Variants in RAP1GAP observed in about 807,000 individuals in gnomAD.
RAP1GAP encodes the protein rap1 GTPase-activating protein 1.
Under a neutral mutation model 87.2 loss-of-function variants are expected in RAP1GAP, and 35 were observed. That is an observed-to-expected ratio of 0.40 (90% CI 0.31 to 0.53). The LOEUF (loss-of-function observed/expected upper bound fraction) is 0.53, where lower values mean the gene tolerates loss of function less well. RAP1GAP is among the 20% of genes least tolerant of loss of function. The pLI is 0.48. For synonymous variants in RAP1GAP, 375 were observed against 363.9 expected (o/e 1.03, Z -0.35); for missense variants, 734 against 898.9 (o/e 0.82, Z 2.35).
At position 21,603,401 on chromosome 1, in the gene RAP1GAP, G is replaced by T; in HGVS notation, c.1429-488C>A. ...AGCTTCCCACACACTGTGCTGGGAT[G>T]CCCCAGGCCCCAGAAGCCCGCCCCC... On this transcript the variant is annotated intron_variant, in intron 18 of 24. Transcript: ENST00000374765. This position sits in a 1 kb window ranked among gnomAD's most constrained non-coding sequence, Gnocchi z 6.0. 1 of 541,452 alleles carries T rather than the reference G, an allele frequency of 1.8e-6. No homozygotes were observed. The highest frequency in any genetic ancestry group is 3.3e-6 in the Non-Finnish European group (1 of 303,624). The allele number at this position is 541,452 out of a possible 1,614,324, so 33.5% of individuals were successfully genotyped here. A position where few individuals can be genotyped will look rare whatever the true frequency, so the allele number is the denominator to read the frequency against.
chr1:21,633,314 G>A (rs1193342573), intron 2 of RAP1GAP, among the ~76,000 whole-genome samples: 2 of 152,098 alleles, frequency 1.3e-5, no homozygotes, highest in Non-Finnish European at 2.9e-5. Context: ...TGCCCCAGCC[G>A]CCTGTCCTGG....
intron 1 of RAP1GAP, among the ~76,000 whole-genome samples, chr1:21,651,025 G>C (rs922620824): frequency 1.7e-4 from 26 of 152,212 alleles, no homozygotes; most frequent in African/African-American, 5.8e-4. Context: ...GGAGCCGCTT[G>C]TCTGGCTGGG....
chr1:21,625,510 C>T (rs2091597791), intron 3 of RAP1GAP, among the ~76,000 whole-genome samples: 1 of 152,166 alleles, frequency 6.6e-6, no homozygotes, highest in Non-Finnish European at 1.5e-5. Flanking sequence ...GTGGCCCCAC[C>T]ACATCCAACC....
At chr1:21,605,938 C>A in intron 18 of RAP1GAP, 128 bp downstream of exon 18, 1 of 1,231,648 alleles carries the variant, frequency 8.1e-7, no homozygotes. Context: ...TAGACCAAAT[C>A]CAGAGCCTAG....
rs2094346001 is a variant in RAP1GAP at position 21,634,324 on chromosome 1, G to A, written c.-112-7927C>T. 6.6e-6 allele frequency among the ~76,000 whole-genome samples: 1 copy of A among 152,222 alleles called. No homozygotes were observed. Among genetic ancestry groups the A allele is most frequent in the Admixed American group, 6.5e-5 (1 of 15,294 alleles). On this transcript the variant is annotated intron_variant, in intron 2 of 24. Coordinates refer to ENST00000374765, the MANE Select transcript of RAP1GAP (RefSeq NM_002885.4). This position sits in a 1 kb window ranked among gnomAD's most constrained non-coding sequence, Gnocchi z 4.1. Reference sequence around the variant, plus strand: ...TTGACCTCTCCTAGGACTCTAGAGGGAGCGTGGCGATGGGGTAGAGGAGCG... The same window carrying A: ...TTGACCTCTCCTAGGACTCTAGAGGAAGCGTGGCGATGGGGTAGAGGAGCG...
In RAP1GAP at chr1:21,631,996, C is replaced by T. The variant is rs114608456; in HGVS notation, c.-112-5599G>A. ...CAGCTCCGGCTCTGCTCTGTCTGGC[C>T]TGGACACCTGCACGCTGCCTCCTCT... On this transcript the variant is annotated intron_variant, in intron 2 of 24. Coordinates refer to ENST00000374765, the MANE Select transcript of RAP1GAP (RefSeq NM_002885.4). Among the ~76,000 whole-genome samples the T allele has an allele frequency of 7.2e-3, 1,098 of 152,334 alleles. 16 individuals carry two copies. Among genetic ancestry groups the T allele is most frequent in the African/African-American group, 0.025 (1,030 of 41,574 alleles).
intron 1 of RAP1GAP, among the ~76,000 whole-genome samples, chr1:21,654,494 C>G (rs2096780402): frequency 6.6e-6 from 1 of 152,192 alleles, no homozygotes; most frequent in Non-Finnish European, 1.5e-5. Flanking sequence ...TGATAAAGCA[C>G]TGAGAAGAGT....
intron 3 of RAP1GAP, among the ~76,000 whole-genome samples, chr1:21,620,892 T>C (rs1473358888): frequency 1.3e-5 from 2 of 152,026 alleles, no homozygotes; most frequent in African/African-American, 4.8e-5. Context: ...CCTCCCCTCC[T>C]GCTCACACAC....
At chr1:21,649,690 G>T (rs938687384) in intron 2 of RAP1GAP, 71 bp downstream of exon 2, 3 of 1,480,102 alleles carry the variant, frequency 2.0e-6, no homozygotes, top group Non-Finnish European at 2.8e-6. Context: ...GCAGGGGTAG[G>T]AATGGATTGG....
At chr1:21,602,228 C>T (rs2069249269) in intron 19 of RAP1GAP, among the ~76,000 whole-genome samples, 1 of 152,214 alleles carries the variant, frequency 6.6e-6, no homozygotes, top group Non-Finnish European at 1.5e-5. Flanking sequence ...CCCTGAGTCC[C>T]CACAGCAGCC....
chr1:21,624,645 C>G (rs1296994334), intron 3 of RAP1GAP, among the ~76,000 whole-genome samples: 1 of 151,972 alleles, frequency 6.6e-6, no homozygotes, highest in African/African-American at 2.4e-5. Context: ...GGATGGTCCA[C>G]AGACTCTTGA....
chr1:21,606,306 T>C, intron 17 of RAP1GAP, 109 bp from the exon 18 acceptor site: 6 of 1,445,964 alleles, frequency 4.1e-6, no homozygotes, highest in Non-Finnish European at 5.5e-6. Context: ...CCACTCTGGG[T>C]AAGCCCTGGA....
chr1:21,598,073 G>C lies in RAP1GAP; in HGVS notation c.1880-9C>G, dbSNP rs1020631693. 23 of 1,491,210 alleles carry C rather than the reference G, an allele frequency of 1.5e-5. No individual in the cohort carries two copies. The highest frequency in any genetic ancestry group is 2.2e-5 in the Admixed American group (1 of 46,482). The allele number at this position is 1,491,210 out of a possible 1,614,324, so 92.4% of individuals were successfully genotyped here. A position where few individuals can be genotyped will look rare whatever the true frequency, so the allele number is the denominator to read the frequency against. On this transcript the variant is annotated splice_polypyrimidine_tract_variant and intron_variant, in intron 22 of 24. Coordinates refer to ENST00000374765, the MANE Select transcript of RAP1GAP (RefSeq NM_002885.4). ...GGGTGATCGAGAGGGGCCTGGGGAGGGGGGCAGGAGGGAGCCACCTCACTG... is the reference window on the plus strand; with the variant it reads ...GGGTGATCGAGAGGGGCCTGGGGAGCGGGGCAGGAGGGAGCCACCTCACTG...
At chr1:21,627,409 C>CTTCTTT (rs1553464079) in intron 2 of RAP1GAP, among the ~76,000 whole-genome samples, 1 of 125,226 alleles carries the variant, frequency 8.0e-6, no homozygotes, top group Admixed American at 8.0e-5. Context: ...CTCCCTTCTT[C>CTTCTTT]TTTTTTTTTT....
intron 21 of RAP1GAP, 100 bp from the exon 22 acceptor site, chr1:21,598,602 CCCACCCGTACCCT>C: frequency 2.1e-6 from 2 of 950,744 alleles, no homozygotes; most frequent in Non-Finnish European, 3.2e-6. Flanking sequence ...TCCACAACCC[CCCACCCGTACCCT>C]CTGCGAGGAG....
rs767454011 is a variant in RAP1GAP, at chr1:21,598,027, C to T, written c.1917G>A (p.Leu639=). ...TGATCTCGGGACACGCAGGGTCCCC[C>T]AACTTGCCGGCGTCTGGGTGGGGTG... ...SRSPHPDAGK[L]GDPACPEIKI... The change falls in exon 23 of 25, where the codon TTG becomes TTA. Residue 639 remains leucine, a synonymous_variant. Transcript: ENST00000374765. The T allele has an allele frequency of 4.4e-6, 7 of 1,583,612 alleles. No individual in the cohort carries two copies. Among genetic ancestry groups the T allele is most frequent in the Middle Eastern group, 2.2e-4 (1 of 4,568 alleles).
intron 2 of RAP1GAP, among the ~76,000 whole-genome samples, chr1:21,647,433 C>T (rs1399131844): frequency 6.6e-6 from 1 of 152,190 alleles, no homozygotes; most frequent in Non-Finnish European, 1.5e-5. Context: ...AACTACACTA[C>T]AGCCTGGGCG....
At position 21,609,749 on chromosome 1, in the gene RAP1GAP, G is replaced by A. The variant is rs2077060682; in HGVS notation, c.1000-103C>T. The A allele has an allele frequency of 7.3e-6, 6 of 825,484 alleles. No homozygotes were observed. The highest frequency in any genetic ancestry group is 2.8e-5 in the Admixed American group (1 of 36,286). 51.1% of individuals were successfully genotyped at this position (825,484 alleles called of 1,614,324 possible). A position where few individuals can be genotyped will look rare whatever the true frequency, so the allele number is the denominator to read the frequency against. ...GCCTCCCTGGACTGCCCCTTGGTCGGGGAGACCCAGTGACTGTGGGCTGGA... is the reference window on the plus strand; with the variant it reads ...GCCTCCCTGGACTGCCCCTTGGTCGAGGAGACCCAGTGACTGTGGGCTGGA... On this transcript the variant is annotated intron_variant, in intron 14 of 24. Transcript: ENST00000374765. This position sits in a 1 kb window ranked among gnomAD's most constrained non-coding sequence, Gnocchi z 4.4.
chr1:21,653,615 C>T (rs918706353), intron 1 of RAP1GAP, among the ~76,000 whole-genome samples: 6 of 150,168 alleles, frequency 4.0e-5, no homozygotes, highest in Non-Finnish European at 7.4e-5. Flanking sequence ...TCCCTCCTTC[C>T]TAAGTAGTAG....
Sources: gnomAD v4.1 joint callset for allele counts (sites outside exome capture counted in the v4.1 genomes callset) on GRCh38, gnomAD v4.1.1 for gene constraint, Gnocchi (gnomAD v3.1) non-coding constraint, MANE v1.5 for transcripts, NCBI Gene and HGNC (gene_info 2026-07-23, HGNC 2026-07-21) for gene names.